Variants in CAMTA1 observed in about 807,000 individuals in gnomAD.
The protein encoded by CAMTA1 is calmodulin-binding transcription activator 1.
A neutral mutation model predicts 170.9 loss-of-function variants in CAMTA1; 27 were observed. The observed-to-expected ratio is 0.16, with a 90% CI of 0.12 to 0.22. The LOEUF is 0.22. CAMTA1 is among the 10% of genes least tolerant of loss of function. The probability of loss-of-function intolerance (pLI) is 1.00; values close to 1 mark genes in which losing one functional copy is unlikely to be tolerated. For missense variants in CAMTA1, 1,619 were observed against 2,217.2 expected, an observed-to-expected ratio of 0.73 and a Z score of 5.42; for synonymous variants, 833 against 891.5, an observed-to-expected ratio of 0.93 and a Z score of 1.17.
chr1:7,426,698 C>T lies in CAMTA1; in HGVS notation c.439-41132C>T, dbSNP rs1278611258. 3.3e-5 allele frequency among the ~76,000 whole-genome samples: 5 copies of T among 151,506 alleles called. No homozygotes were observed. Among genetic ancestry groups the T allele is most frequent in the Admixed American group, 3.3e-4 (5 of 15,170 alleles). On this transcript the variant is annotated intron_variant, in intron 5 of 22. Transcript: ENST00000303635. This position sits in a 1 kb window ranked among gnomAD's most constrained non-coding sequence, Gnocchi z 4.8. ...GGGGAAAGGTGGAGAAAACTTCGCT[C>T]ACCGCATTTGGGCAGGAGAAATCTG...
intron 3 of CAMTA1, among the ~76,000 whole-genome samples, chr1:6,917,591 C>G (rs892945516): frequency 6.6e-6 from 1 of 151,974 alleles, no homozygotes; most frequent in Admixed American, 6.6e-5. Context: ...AAGGACAGCC[C>G]TGAGGTCTCT....
chr1:7,713,986 G>C (rs1361034144), intron 11 of CAMTA1, among the ~76,000 whole-genome samples: 1 of 152,284 alleles, frequency 6.6e-6, no homozygotes, highest in East Asian at 1.9e-4. Context: ...ATGAACAGGG[G>C]CTGGGCAGTC....
intron 5 of CAMTA1, among the ~76,000 whole-genome samples, chr1:7,409,031 C>T (rs529728073): frequency 7.2e-5 from 11 of 152,308 alleles, no homozygotes; most frequent in South Asian, 2.1e-4. Context: ...AACACCTAGG[C>T]GCTCCTTTAA....
intron 11 of CAMTA1, among the ~76,000 whole-genome samples, chr1:7,728,442 G>A (rs1022085742): frequency 1.3e-5 from 2 of 152,242 alleles, no homozygotes; most frequent in Non-Finnish European, 2.9e-5. Context: ...GCCACCGGAT[G>A]TTGATCTTGG....
intron 6 of CAMTA1, among the ~76,000 whole-genome samples, chr1:7,526,230 G>A (rs896344578): frequency 5.3e-5 from 8 of 151,946 alleles, no homozygotes; most frequent in African/African-American, 1.7e-4. Flanking sequence ...AAAGAGAGAT[G>A]GCACTTTCCC....
intron 4 of CAMTA1, among the ~76,000 whole-genome samples, chr1:7,106,271 AG>A (rs201739043): frequency 1.3e-5 from 2 of 151,736 alleles, no homozygotes; most frequent in Non-Finnish European, 2.9e-5. Context: ...AGAGAGAGAG[AG>A]AAAGAAAGAA....
At chr1:7,457,073 C>A (rs372750325) in intron 5 of CAMTA1, among the ~76,000 whole-genome samples, 27 of 149,852 alleles carry the variant, frequency 1.8e-4, no homozygotes, top group African/African-American at 6.1e-4. Context: ...GCCCCTCACC[C>A]GCCCCCTGCG....
chr1:7,651,680 C>T (rs1202031184), intron 7 of CAMTA1, among the ~76,000 whole-genome samples: 1 of 152,280 alleles, frequency 6.6e-6, no homozygotes, highest in Non-Finnish European at 1.5e-5. Flanking sequence ...GTGGGGCCAC[C>T]TACCTGGATA....
At chr1:7,412,167 A>G (rs1312482519) in intron 5 of CAMTA1, among the ~76,000 whole-genome samples, 1 of 152,154 alleles carries the variant, frequency 6.6e-6, no homozygotes. Flanking sequence ...GTTGTTGGAC[A>G]TTTGGGTTGG....
chr1:7,440,729 G>A (rs1280046419), intron 5 of CAMTA1, among the ~76,000 whole-genome samples: 1 of 152,224 alleles, frequency 6.6e-6, no homozygotes, highest in East Asian at 1.9e-4. Context: ...GACAGGGGCA[G>A]AGGCAGCCTG....
At chr1:7,295,257 C>T (rs1004596605) in intron 5 of CAMTA1, among the ~76,000 whole-genome samples, 13 of 152,190 alleles carry the variant, frequency 8.5e-5, no homozygotes, top group Admixed American at 3.3e-4. Context: ...CACACATGCC[C>T]GTACTCAATG....
intron 3 of CAMTA1, among the ~76,000 whole-genome samples, chr1:6,863,697 C>T (rs1304279494): frequency 6.6e-6 from 1 of 152,184 alleles, no homozygotes; most frequent in Non-Finnish European, 1.5e-5. Flanking sequence ...AAGGAGAGTT[C>T]CTGTGCACTC....
chr1:7,171,202 C>T (rs963453645), intron 4 of CAMTA1, among the ~76,000 whole-genome samples: 7 of 152,212 alleles, frequency 4.6e-5, no homozygotes, highest in African/African-American at 1.4e-4. Context: ...TTCCATTTGT[C>T]CAGTGGCCAG....
Position 7,630,616 on chromosome 1 carries a change from C to T in CAMTA1, c.511-9784C>T, listed in dbSNP as rs534507874. Among the ~76,000 whole-genome samples the T allele has an allele frequency of 1.2e-4, 19 of 152,358 alleles. No individual in the cohort carries two copies. In the East Asian group the frequency reaches 3.7e-3, roughly 29 times the overall value. On this transcript the variant is annotated intron_variant, in intron 6 of 22. Coordinates refer to ENST00000303635, the MANE Select transcript of CAMTA1 (RefSeq NM_015215.4). Reference sequence around the variant, plus strand: ...TTAACTAATTAAGTCTCCCAGCCTCCCTCCAAAGCAGGGAAGGGCTGCCGG... The same window carrying T: ...TTAACTAATTAAGTCTCCCAGCCTCTCTCCAAAGCAGGGAAGGGCTGCCGG...
chr1:7,723,516 G>T (rs139975324), intron 11 of CAMTA1, among the ~76,000 whole-genome samples: 48 of 152,322 alleles, frequency 3.2e-4, no homozygotes, highest in Non-Finnish European at 5.4e-4. Flanking sequence ...CGTCTGCGAG[G>T]TGGAACTTAG....
intron 1 of CAMTA1, among the ~76,000 whole-genome samples, chr1:6,804,773 C>T (rs1247584868): frequency 6.6e-6 from 1 of 152,112 alleles, no homozygotes; most frequent in Non-Finnish European, 1.5e-5. Context: ...CCAGGCTGGT[C>T]TTGAACTCCT....
chr1:7,498,195 T>A (rs9662968), intron 6 of CAMTA1, among the ~76,000 whole-genome samples: 4,641 of 101,240 alleles, frequency 0.046, 232 homozygotes, highest in African/African-American at 0.18. Flanking sequence ...AGAGTGAGTG[T>A]GTGTGTGTGT....
chr1:6,985,432 T>A (rs1695197129), intron 3 of CAMTA1, among the ~76,000 whole-genome samples: 1 of 152,226 alleles, frequency 6.6e-6, no homozygotes, highest in Admixed American at 6.5e-5. Context: ...AACCCCTTTA[T>A]GCACTTTTAC....
At chr1:6,813,994 T>C (rs1043381623) in intron 1 of CAMTA1, among the ~76,000 whole-genome samples, 1 of 152,206 alleles carries the variant, frequency 6.6e-6, no homozygotes, top group African/African-American at 2.4e-5. Flanking sequence ...AATTTATGAA[T>C]TCTATAAGTA....
Sources: allele counts gnomAD v4.1 joint callset (sites outside exome capture counted in the v4.1 genomes callset), GRCh38; gene constraint gnomAD v4.1.1; non-coding constraint Gnocchi (gnomAD v3.1); transcripts MANE v1.5; gene names NCBI Gene and HGNC (gene_info 2026-07-23, HGNC 2026-07-21).